The following MYRIP variants were observed in gnomAD, a reference collection of about 807,000 sequenced individuals.
The protein encoded by MYRIP is myosin VIIA and Rab interacting protein.
MYRIP carries 49 observed loss-of-function variants against 98.0 expected under a neutral mutation model. That is an observed-to-expected ratio of 0.50 (90% CI 0.40 to 0.63). The LOEUF is 0.63. Ranked by LOEUF, MYRIP falls within the 30% of genes least tolerant of loss-of-function variation. The pLI is 0.00. For synonymous variants in MYRIP, 404 were observed against 409.5 expected (o/e 0.99, Z 0.16); for missense variants, 1,004 against 1,058.2 (o/e 0.95, Z 0.71).
Position 40,258,298 on chromosome 3 carries a change from G to A in MYRIP, c.*132G>A, listed in dbSNP as rs1953665119. The A allele has an allele frequency of 9.6e-7, 1 of 1,040,888 alleles. No homozygotes were observed. The highest frequency in any genetic ancestry group is 1.5e-6 in the Non-Finnish European group (1 of 673,868). The allele number at this position is 1,040,888 out of a possible 1,614,324, so 64.5% of individuals were successfully genotyped here. On this transcript the variant is annotated 3_prime_UTR_variant, in exon 17 of 17. Coordinates refer to ENST00000302541, the MANE Select transcript of MYRIP (RefSeq NM_015460.4). ...CCTGGGGAGGCCACAGTGCACCATT[G>A]CACAGGGCTGTCCTGATACCTCATC...
At chr3:39,824,772 G>C (rs1941216171) in intron 1 of MYRIP, among the ~76,000 whole-genome samples, 1 of 151,802 alleles carries the variant, frequency 6.6e-6, no homozygotes, top group East Asian at 1.9e-4. Flanking sequence ...ATAGAGTGCA[G>C]TGGCATGATC....
At chr3:39,833,416 C>G (rs1248138470) in intron 1 of MYRIP, among the ~76,000 whole-genome samples, 1 of 152,062 alleles carries the variant, frequency 6.6e-6, no homozygotes, top group Non-Finnish European at 1.5e-5. Flanking sequence ...GGAGGTGGTT[C>G]TCCTTTGACA....
chr3:39,903,555 T>C (rs1230846318), intron 2 of MYRIP, among the ~76,000 whole-genome samples: 2 of 152,172 alleles, frequency 1.3e-5, no homozygotes, highest in Non-Finnish European at 1.5e-5. Context: ...GTGAATTAAG[T>C]GTCCTCAGAA....
At chr3:40,135,580 G>A (rs1949746387) in intron 3 of MYRIP, among the ~76,000 whole-genome samples, 2 of 152,270 alleles carry the variant, frequency 1.3e-5, no homozygotes, top group South Asian at 2.1e-4. Flanking sequence ...ACACAAAATT[G>A]TCAGATTCAC....
intron 10 of MYRIP, among the ~76,000 whole-genome samples, chr3:40,194,801 T>C (rs1951344214): frequency 6.6e-6 from 1 of 152,214 alleles, no homozygotes; most frequent in Non-Finnish European, 1.5e-5. Flanking sequence ...AATTATCTTA[T>C]ACATTGTGTT....
intron 3 of MYRIP, among the ~76,000 whole-genome samples, chr3:40,146,584 T>A (rs938944774): frequency 6.6e-6 from 1 of 152,226 alleles, no homozygotes; most frequent in East Asian, 1.9e-4. Flanking sequence ...AAGAGGGAGT[T>A]CATCCTCCCT....
At chr3:39,867,715 C>T (rs376612082) in intron 1 of MYRIP, among the ~76,000 whole-genome samples, 13 of 152,192 alleles carry the variant, frequency 8.5e-5, no homozygotes, top group South Asian at 2.1e-4. Flanking sequence ...TAAATTGGTA[C>T]GGCCATTATG....
chr3:40,247,228 A>G (rs924327553), intron 13 of MYRIP, among the ~76,000 whole-genome samples: 2 of 152,200 alleles, frequency 1.3e-5, no homozygotes, highest in African/African-American at 4.8e-5. Flanking sequence ...AGAAAACTCT[A>G]GAGTTCCAAA....
chr3:39,922,392 C>T (rs1944325829), intron 2 of MYRIP, among the ~76,000 whole-genome samples: 1 of 152,230 alleles, frequency 6.6e-6, no homozygotes, highest in Non-Finnish European at 1.5e-5. Context: ...GACTTTTATC[C>T]TTAATGGCCA....
At chr3:40,158,517 T>C (rs1950298259) in intron 4 of MYRIP, among the ~76,000 whole-genome samples, 1 of 152,136 alleles carries the variant, frequency 6.6e-6, no homozygotes, top group South Asian at 2.1e-4. Flanking sequence ...TAGGTGTGCT[T>C]GGTGCAGAGC....
intron 10 of MYRIP, among the ~76,000 whole-genome samples, chr3:40,199,492 GT>G (rs1319446179): frequency 2.0e-5 from 3 of 152,162 alleles, no homozygotes; most frequent in Non-Finnish European, 4.4e-5. Flanking sequence ...TCTCTGACAA[GT>G]GCTTGTGAGG....
intron 3 of MYRIP, among the ~76,000 whole-genome samples, chr3:40,118,665 C>T (rs996093213): frequency 5.3e-5 from 8 of 150,660 alleles, no homozygotes; most frequent in Admixed American, 2.6e-4. Context: ...AGGTTTGTTA[C>T]GTATGCATAC....
chr3:40,082,342 G>A (rs933414805), intron 3 of MYRIP, among the ~76,000 whole-genome samples: 1 of 152,188 alleles, frequency 6.6e-6, no homozygotes, highest in African/African-American at 2.4e-5. Context: ...TATGGAATCA[G>A]CCTGGCATTT....
At chr3:40,091,726 T>C (rs945216125) in intron 3 of MYRIP, among the ~76,000 whole-genome samples, 1 of 152,222 alleles carries the variant, frequency 6.6e-6, no homozygotes, top group African/African-American at 2.4e-5. Flanking sequence ...TTGTCACTTC[T>C]AATTCTCACA....
chr3:40,189,322 C>G (rs143243221), intron 9 of MYRIP, among the ~76,000 whole-genome samples: 29 of 152,288 alleles, frequency 1.9e-4, no homozygotes, highest in African/African-American at 6.3e-4. Flanking sequence ...ATCTCAGGAG[C>G]CTATTACGAA....
rs147787841 is a variant in MYRIP at position 40,226,076 on chromosome 3, G to A, written c.1906-7783G>A. 6.3e-4 allele frequency among the ~76,000 whole-genome samples: 96 copies of A among 152,170 alleles called. 1 individual carries two copies. In the East Asian group the frequency reaches 0.012, roughly 20 times the overall value. On this transcript the variant is annotated intron_variant, in intron 11 of 16. Transcript: ENST00000302541. ...TGTACTGCAGCCAATTATGAAGATC[G>A]TATGTAGCCCTTCAGCCCTCCCCTC...
intron 2 of MYRIP, among the ~76,000 whole-genome samples, chr3:39,961,271 T>G (rs1207849550): frequency 6.6e-6 from 1 of 151,878 alleles, no homozygotes; most frequent in Non-Finnish European, 1.5e-5. Flanking sequence ...AGGGAAATGG[T>G]AGCAGCAGAC....
intron 2 of MYRIP, among the ~76,000 whole-genome samples, chr3:39,998,011 T>C (rs570064960): frequency 2.2e-4 from 33 of 152,234 alleles, no homozygotes; most frequent in African/African-American, 7.2e-4. Context: ...TCTCAGTAAA[T>C]TAGGTATTGA....
At chr3:40,134,354 T>C (rs1487655841) in intron 3 of MYRIP, among the ~76,000 whole-genome samples, 1 of 152,202 alleles carries the variant, frequency 6.6e-6, no homozygotes, top group Admixed American at 6.5e-5. Context: ...CCACAATTGC[T>C]CAGGCTTGAG....
Sources: allele counts gnomAD v4.1 joint callset (sites outside exome capture counted in the v4.1 genomes callset), GRCh38; gene constraint gnomAD v4.1.1; transcripts MANE v1.5; gene names NCBI Gene and HGNC (gene_info 2026-07-23, HGNC 2026-07-21).